The following TTC23 variants were observed in gnomAD, a reference collection of about 807,000 sequenced individuals.
TTC23 encodes the protein tetratricopeptide repeat protein 23.
In TTC23, 58 loss-of-function variants were observed where a neutral mutation model predicts 55.1. The observed-to-expected ratio is 1.05, with a 90% confidence interval of 0.85 to 1.31. The LOEUF is 1.31. TTC23 is among the 50% of genes most tolerant of loss of function. The pLI, the probability that TTC23 is intolerant of heterozygous loss-of-function variation, is 0.00. For missense variants in TTC23, 516 were observed against 534.4 expected, an observed-to-expected ratio of 0.97 and a Z score of 0.34; for synonymous variants, 203 against 199.9, an observed-to-expected ratio of 1.02 and a Z score of -0.13.
intron 5 of TTC23, among the ~76,000 whole-genome samples, chr15:99,225,922 C>T (rs149423794): frequency 6.4e-4 from 98 of 152,352 alleles, no homozygotes; most frequent in African/African-American, 2.1e-3. Context: ...CATTCTGCAC[C>T]TCCTGACAGG....
intron 12 of TTC23, among the ~76,000 whole-genome samples, chr15:99,142,353 T>C (rs764566829): frequency 3.9e-5 from 6 of 152,176 alleles, no homozygotes; most frequent in Non-Finnish European, 7.4e-5. Context: ...CTTACCAGAA[T>C]AGACTCTATT....
chr15:99,141,772 T>C (rs1302186875), intron 12 of TTC23, among the ~76,000 whole-genome samples: 2 of 152,210 alleles, frequency 1.3e-5, no homozygotes. Context: ...GTCTGAGGAA[T>C]TGAGAATGTG....
At chr15:99,176,725 C>T (rs1352112745) in intron 9 of TTC23, among the ~76,000 whole-genome samples, 1 of 152,066 alleles carries the variant, frequency 6.6e-6, no homozygotes, top group Non-Finnish European at 1.5e-5. Context: ...ATTTGTGATA[C>T]CAATTTTAAT....
intron 3 of TTC23, among the ~76,000 whole-genome samples, chr15:99,239,412 G>A (rs906614678): frequency 2.0e-5 from 3 of 152,032 alleles, no homozygotes; most frequent in African/African-American, 4.8e-5. Flanking sequence ...TTGAACCAGG[G>A]AGGTGGAGGT....
chr15:99,238,660 T>G (rs73469377), intron 3 of TTC23, among the ~76,000 whole-genome samples: 2 of 152,288 alleles, frequency 1.3e-5, no homozygotes, highest in African/African-American at 4.8e-5. Context: ...AACAGCATTT[T>G]CCAAGCCAAT....
chr15:99,225,488 T>C (rs1455141564), intron 5 of TTC23, among the ~76,000 whole-genome samples: 3 of 152,170 alleles, frequency 2.0e-5, no homozygotes, highest in Non-Finnish European at 1.5e-5. Flanking sequence ...AGGGGATGCA[T>C]TGAGGACTCA....
chr15:99,240,784 C>G (rs1431653089), intron 3 of TTC23, among the ~76,000 whole-genome samples: 1 of 152,214 alleles, frequency 6.6e-6, no homozygotes, highest in East Asian at 1.9e-4. Flanking sequence ...TTCGTCTAAT[C>G]TAAAGCACCA....
intron 4 of TTC23, among the ~76,000 whole-genome samples, chr15:99,233,099 T>A (rs2079056823): frequency 6.6e-6 from 1 of 152,092 alleles, no homozygotes; most frequent in African/African-American, 2.4e-5. Context: ...CTCACACAAG[T>A]AGAGAGTAGA....
intron 9 of TTC23, among the ~76,000 whole-genome samples, chr15:99,177,078 C>T (rs911740880): frequency 2.0e-5 from 3 of 152,164 alleles, no homozygotes; most frequent in African/African-American, 4.8e-5. Context: ...TATGACCAGC[C>T]GAATGCATTT....
intron 12 of TTC23, chr15:99,140,885 C>T (rs1555489998): frequency 6.6e-6 from 1 of 152,070 alleles, no homozygotes; most frequent in East Asian, 1.9e-4. Context: ...TGAAGAATTC[C>T]TATAAGGTAA....
chr15:99,177,068 T>G (rs547157637), intron 9 of TTC23, among the ~76,000 whole-genome samples: 1 of 152,322 alleles, frequency 6.6e-6, no homozygotes, highest in South Asian at 2.1e-4. Flanking sequence ...TTCCTCCTCT[T>G]ATGACCAGCC....
intron 5 of TTC23, among the ~76,000 whole-genome samples, chr15:99,226,958 A>G (rs1432069171): frequency 6.6e-6 from 1 of 152,230 alleles, no homozygotes; most frequent in Admixed American, 6.5e-5. Context: ...TCTTCACCAG[A>G]ACCACAGAAC....
At position 99,198,554 on chromosome 15, in the gene TTC23, T is replaced by C. The variant is rs369092320; in HGVS notation, c.759+1365A>G. Among the ~76,000 whole-genome samples the C allele has an allele frequency of 9.2e-5, 14 of 152,326 alleles. No individual in the cohort carries two copies. In the East Asian group the frequency reaches 1.9e-3, roughly 21 times the overall value. ...TGGTTGGCACAACCTCCCCAATCCA[T>C]TCTCTACAAATCATCCAGAACAATC... On this transcript the variant is annotated intron_variant, in intron 9 of 13. Coordinates refer to ENST00000394132, the MANE Select transcript of TTC23 (RefSeq NM_001288615.3).
intron 12 of TTC23, among the ~76,000 whole-genome samples, chr15:99,148,245 A>G (rs1329296352): frequency 6.6e-6 from 1 of 151,136 alleles, no homozygotes; most frequent in Non-Finnish European, 1.5e-5. Context: ...CCTGTAGTCC[A>G]AACTACTCAG....
At chr15:99,225,003 G>A (rs531558356) in intron 5 of TTC23, among the ~76,000 whole-genome samples, 25 of 152,340 alleles carry the variant, frequency 1.6e-4, no homozygotes, top group Admixed American at 1.4e-3. Context: ...AACAACTACA[G>A]TGTATGAAAG....
At chr15:99,197,231 T>C (rs1263853879) in intron 9 of TTC23, among the ~76,000 whole-genome samples, 1 of 151,824 alleles carries the variant, frequency 6.6e-6, no homozygotes, top group Non-Finnish European at 1.5e-5. Flanking sequence ...GCCTCCCGAG[T>C]AGCTGGGACT....
chr15:99,176,262 G>A (rs545626335), intron 9 of TTC23, among the ~76,000 whole-genome samples: 207 of 152,270 alleles, frequency 1.4e-3, no homozygotes, highest in Non-Finnish European at 2.2e-3. Context: ...ACACTAATGT[G>A]AGTCAGTAGG....
chr15:99,178,921 G>A (rs1226116984), intron 9 of TTC23, among the ~76,000 whole-genome samples: 2 of 152,116 alleles, frequency 1.3e-5, no homozygotes, highest in African/African-American at 2.4e-5. Context: ...AATGAGCGGT[G>A]GGTTTCAGTA....
At chr15:99,205,718 AG>A (rs1366253127) in intron 8 of TTC23, among the ~76,000 whole-genome samples, 1 of 152,026 alleles carries the variant, frequency 6.6e-6, no homozygotes, top group Admixed American at 6.6e-5. Context: ...TAGAATCTAT[AG>A]GTTTTTCTGA....
Sources: allele counts gnomAD v4.1 joint callset (sites outside exome capture counted in the v4.1 genomes callset), GRCh38; gene constraint gnomAD v4.1.1; transcripts MANE v1.5; gene names NCBI Gene and HGNC (gene_info 2026-07-23, HGNC 2026-07-21).